ZNF534: variants seen among roughly 807,000 people sequenced by gnomAD.
The protein encoded by ZNF534 is zinc finger protein 534.
ZNF534 carries 19 observed loss-of-function variants against 13.6 expected under a neutral mutation model. The observed-to-expected ratio is 1.40, with a 90% CI of 0.97 to 2.05. The LOEUF (loss-of-function observed/expected upper bound fraction) is 2.05, where lower values mean the gene tolerates loss of function less well. Among genes scored for constraint, ZNF534 ranks in the 30% most tolerant of loss-of-function variants. The pLI, the probability that ZNF534 is intolerant of heterozygous loss-of-function variation, is 0.00. For synonymous variants in ZNF534, 244 were observed against 273.8 expected, an observed-to-expected ratio of 0.89 and a Z score of 1.07; for missense variants, 782 against 796.3, an observed-to-expected ratio of 0.98 and a Z score of 0.22.
rs575353432 is a variant in ZNF534, at chr19:52,439,190, C to G, written c.1730C>G (p.Pro577Arg). 1.3e-6 allele frequency: 2 copies of G among 1,535,968 alleles called. No homozygotes were observed. Among genetic ancestry groups the G allele is most frequent in the Non-Finnish European group, 1.8e-6 (2 of 1,136,386 alleles). ...RHRNIHTGEKPHSCNECGKVF... is the reference protein window; with the variant it reads ...RHRNIHTGEKRHSCNECGKVF... ...AGGAATATTCATACTGGAGAGAAGC[C>G]TCACAGTTGTAATGAATGTGGCAAG... Residue 577 changes from proline to arginine, a missense_variant, in exon 5 of 5, where the codon CCT becomes CGT. Pro to Arg is a moderately radical substitution (Grantham distance 103). Coordinates refer to ENST00000433050, the MANE Select transcript of ZNF534 (RefSeq NM_001143938.3).
chr19:52,435,271 C>G (rs2059121736), intron 4 of ZNF534, 62 bp downstream of exon 4: 1 of 1,519,878 alleles, frequency 6.6e-7, no homozygotes, highest in African/African-American at 1.4e-5. Flanking sequence ...AAGGGTCTCA[C>G]TCTGTCATCC....
At chr19:52,445,239 C>T (rs571282478), downstream of ZNF534, among the ~76,000 whole-genome samples, 2 of 151,986 alleles carry the variant, frequency 1.3e-5, no homozygotes, top group South Asian at 4.2e-4. Flanking sequence ...CTCTGTCACC[C>T]AGGCTGGAGT....
chr19:52,437,296 T>C (rs1233856207), intron 4 of ZNF534, among the ~76,000 whole-genome samples: 2 of 152,160 alleles, frequency 1.3e-5, no homozygotes, highest in Non-Finnish European at 2.9e-5. Flanking sequence ...TCCCTTGTGT[T>C]TTCTGCATTA....
At chr19:52,435,933 C>CTTTTTTT (rs1289517628) in intron 4 of ZNF534, among the ~76,000 whole-genome samples, 182 of 17,524 alleles carry the variant, frequency 0.01, 21 homozygotes, top group African/African-American at 0.013. Context: ...TATTTTTCTT[C>CTTTTTTT]TTCTTCTTTT....
intron 2 of ZNF534, among the ~76,000 whole-genome samples, chr19:52,432,590 C>G (rs2059094800): frequency 6.6e-6 from 1 of 152,114 alleles, no homozygotes; most frequent in Non-Finnish European, 1.5e-5. Context: ...CTGTTGTTAT[C>G]ATCGCAGTTT....
At chr19:52,430,500 G>T (rs1244457159) in intron 1 of ZNF534, among the ~76,000 whole-genome samples, 1 of 152,098 alleles carries the variant, frequency 6.6e-6, no homozygotes, top group Non-Finnish European at 1.5e-5. Flanking sequence ...TCCACAGAGG[G>T]CTGAGGGGCC....
chr19:52,449,595 CTG>C (rs2059205974), intron 4 of ZNF534, among the ~76,000 whole-genome samples: 1 of 152,062 alleles, frequency 6.6e-6, no homozygotes, highest in Non-Finnish European at 1.5e-5. Context: ...TTATATCTCA[CTG>C]TGGTTTTGAT....
At chr19:52,434,106 C>A (rs1318311350) in intron 3 of ZNF534, 25 bp downstream of exon 3, 2 of 1,608,398 alleles carry the variant, frequency 1.2e-6, no homozygotes. Flanking sequence ...CGTCCAGAAG[C>A]CTGCATCTGC....
In ZNF534 at chr19:52,438,007, G is replaced by A. The variant is rs778101913; in HGVS notation, c.547G>A (p.Glu183Lys). Residue 183 changes from glutamate (E) to lysine (K), a missense_variant, in exon 5 of 5, where the codon GAA becomes AAA. Transcript: ENST00000433050. Reference protein sequence around the residue: ...LPQEQKVHIREKPYGCNEHGK... With the variant: ...LPQEQKVHIRKKPYGCNEHGK... ...ACAAGAACAGAAAGTACACATTAGG[G>A]AAAAGCCTTATGGATGTAATGAGCA... 2 of 1,613,934 alleles carry A rather than the reference G, an allele frequency of 1.2e-6. No homozygotes were observed. The highest frequency in any genetic ancestry group is 2.7e-5 in the African/African-American group (2 of 74,894).
intron 4 of ZNF534, among the ~76,000 whole-genome samples, chr19:52,449,918 G>A (rs1398818024): frequency 6.6e-6 from 1 of 152,066 alleles, no homozygotes; most frequent in East Asian, 1.9e-4. Flanking sequence ...TACTTGGGAG[G>A]CTGAGGCATG....
chr19:52,440,339 C>G lies in ZNF534; in HGVS notation c.*893C>G, dbSNP rs960179454. On this transcript the variant is annotated 3_prime_UTR_variant, in exon 5 of 5. Coordinates refer to ENST00000433050, the MANE Select transcript of ZNF534 (RefSeq NM_001143938.3). The stretch of plus-strand genomic sequence containing the variant: ...CTTGTAAACTATCACAGAATCCATA[C>G]TGGAGAGAAACCTTACAAATGAATG... 2.0e-5 allele frequency among the ~76,000 whole-genome samples: 3 copies of G among 152,192 alleles called. No individual in the cohort carries two copies. The highest frequency in any genetic ancestry group is 7.2e-5 in the African/African-American group (3 of 41,444).
chr19:52,449,198 A>G (rs1243765199), intron 4 of ZNF534, among the ~76,000 whole-genome samples: 1 of 152,222 alleles, frequency 6.6e-6, no homozygotes, highest in East Asian at 1.9e-4. Flanking sequence ...TTCTTTTTAA[A>G]GGATGAACAG....
intron 1 of ZNF534, among the ~76,000 whole-genome samples, chr19:52,430,222 G>A (rs558465861): frequency 6.6e-5 from 10 of 151,908 alleles, no homozygotes; most frequent in Admixed American, 5.9e-4. Flanking sequence ...GACCATGTTG[G>A]CCAGGCTGGT....
rs1445006528 is a variant in ZNF534 at position 52,441,399 on chromosome 19, C to T, written c.*1953C>T. Among the ~76,000 whole-genome samples, 1 of 152,090 alleles carries T rather than the reference C, an allele frequency of 6.6e-6. No homozygotes were observed. The highest frequency in any genetic ancestry group is 6.6e-5 in the Admixed American group (1 of 15,256). On this transcript the variant is annotated 3_prime_UTR_variant, in exon 5 of 5. Transcript: ENST00000433050. The stretch of plus-strand genomic sequence containing the variant: ...GTGTGTTGGTATATGCATGTATTCC[C>T]AGCTACTTGGGAGGCTGAGGCAGAA...
chr19:52,432,105 T>C (rs1005509816), intron 2 of ZNF534, among the ~76,000 whole-genome samples: 7 of 151,916 alleles, frequency 4.6e-5, no homozygotes, highest in Admixed American at 1.3e-4. Context: ...TTTATCAGGA[T>C]GTTCAAATTT....
chr19:52,449,857 T>C (rs930038774), intron 4 of ZNF534, among the ~76,000 whole-genome samples: 26 of 152,060 alleles, frequency 1.7e-4, no homozygotes, highest in African/African-American at 6.3e-4. Context: ...CTGTCTCTAC[T>C]AAAAATACAA....
At position 52,437,957 on chromosome 19, in the gene ZNF534, A is replaced by T; in HGVS notation, c.497A>T (p.Asp166Val). The change falls in exon 5 of 5, where the codon GAT (aspartate) becomes GTT (valine). Residue 166 changes from aspartate (D) to valine (V), a missense_variant. Around this residue, in one of 5 missense-constraint regions of ZNF534, gnomAD observed 591 missense variants for 574.0 expected, o/e 1.03. Coordinates refer to ENST00000433050, the MANE Select transcript of ZNF534 (RefSeq NM_001143938.3). ...CATATTTTTAATAACTACAGAAATG[A>T]TTTTCTTTTTTCTACATTACTCCCA... is the stretch of plus-strand genomic sequence containing the variant. The part of the protein sequence containing the change: ...KTHIFNNYRN[D>V]FLFSTLLPQE... The T allele has an allele frequency of 6.2e-7, 1 of 1,613,466 alleles. No individual in the cohort carries two copies. Among genetic ancestry groups the T allele is most frequent in the Non-Finnish European group, 8.5e-7 (1 of 1,179,828 alleles).
At position 52,438,368 on chromosome 19, in the gene ZNF534, G is replaced by A. The variant is rs980956391; in HGVS notation, c.908G>A (p.Cys303Tyr). The A allele has an allele frequency of 9.9e-6, 16 of 1,613,630 alleles. No homozygotes were observed. Among genetic ancestry groups the A allele is most frequent in the Non-Finnish European group, 1.3e-5 (15 of 1,179,612 alleles). ...GAGAAGCCTTACAAATGTAGTGAAT[G>A]TGGCAAAGCATTTAGTGTGTGTTCC... is the stretch of plus-strand genomic sequence containing the variant. ...TGEKPYKCSE[C>Y]GKAFSVCSSL... The change falls in exon 5 of 5, where the codon TGT becomes TAT. Residue 303 changes from cysteine to tyrosine, a missense_variant. By Grantham distance (194) the Cys-to-Tyr change is radical (BLOSUM62 -2). Transcript: ENST00000433050.
chr19:52,431,480 C>T lies in ZNF534; in HGVS notation c.6C>T (p.Ala2=), dbSNP rs761376498. The part of the protein sequence containing the change: M[A]LTQGQLSFSD... ...GGAAAGAAAGGAAGTCAGGAATGGCCCTTACTCAGGTAAGGTAATGTTCTC... is the reference window on the plus strand; with the variant it reads ...GGAAAGAAAGGAAGTCAGGAATGGCTCTTACTCAGGTAAGGTAATGTTCTC... Residue 2 remains alanine (A), a synonymous_variant, in exon 2 of 5, where the codon GCC becomes GCT. Coordinates refer to ENST00000433050, the MANE Select transcript of ZNF534 (RefSeq NM_001143938.3). 6.2e-7 allele frequency: 1 copy of T among 1,613,824 alleles called. No individual in the cohort carries two copies. Among genetic ancestry groups the T allele is most frequent in the African/African-American group, 1.3e-5 (1 of 74,854 alleles).
Sources: allele counts gnomAD v4.1 joint callset (sites outside exome capture counted in the v4.1 genomes callset), GRCh38; gene constraint gnomAD v4.1.1; regional missense constraint gnomAD v4.1.1; transcripts MANE v1.5; gene names NCBI Gene and HGNC (gene_info 2026-07-23, HGNC 2026-07-21).